The following PLCH1 variants were observed in gnomAD, a reference collection of about 807,000 sequenced individuals.
PLCH1 encodes phospholipase C eta 1.
A neutral mutation model predicts 126.7 loss-of-function variants in PLCH1; 60 were observed. The ratio of observed to expected loss-of-function variants is 0.47; its 90% CI spans 0.38 to 0.59. The LOEUF is 0.59. PLCH1 is among the 20% of genes least tolerant of loss of function. PLCH1 has a pLI of 0.00. For synonymous variants in PLCH1, 719 were observed against 734.9 expected, an observed-to-expected ratio of 0.98 and a Z score of 0.35; for missense variants, 1,723 against 2,040.0, an observed-to-expected ratio of 0.84 and a Z score of 2.99.
At chr3:155,587,700 GAACTGA>G (rs1731565440) in intron 4 of PLCH1, among the ~76,000 whole-genome samples, 2 of 152,234 alleles carry the variant, frequency 1.3e-5, no homozygotes, top group African/African-American at 2.4e-5. Flanking sequence ...TACATCATGT[GAACTGA>G]AATTTTAAAA....
At chr3:155,649,165 G>A (rs1740400724) in intron 2 of PLCH1, among the ~76,000 whole-genome samples, 1 of 152,140 alleles carries the variant, frequency 6.6e-6, no homozygotes, top group Non-Finnish European at 1.5e-5. Context: ...ACTGAGACCA[G>A]GGCAGTACTG....
rs571988641 is a variant in PLCH1, at chr3:155,576,127, C to CA, written c.771+7344dup. Among the ~76,000 whole-genome samples, 645 of 151,352 alleles carry CA rather than the reference C, an allele frequency of 4.3e-3. 2 individuals are homozygous for CA. Among genetic ancestry groups the CA allele is most frequent in the Admixed American group, 7.1e-3 (108 of 15,192 alleles). On this transcript the variant is annotated intron_variant, in intron 6 of 22. Transcript: ENST00000460012. ...AACCAAAACACTAAAAAGGATGGAA[C>CA]AAAAAAAACACTCAGCTCCAGTGCC...
At chr3:155,653,092 T>C (rs909082695) in intron 2 of PLCH1, among the ~76,000 whole-genome samples, 1 of 151,892 alleles carries the variant, frequency 6.6e-6, no homozygotes, top group African/African-American at 2.4e-5. Flanking sequence ...GGAAGATATA[T>C]AGATACAGAT....
intron 2 of PLCH1, among the ~76,000 whole-genome samples, chr3:155,667,748 C>G (rs1184238442): frequency 6.6e-6 from 1 of 151,644 alleles, no homozygotes; most frequent in African/African-American, 2.4e-5. Context: ...AATGCAGTAA[C>G]CAAAACTGAA....
At chr3:155,666,680 G>T (rs4680210) in intron 2 of PLCH1, among the ~76,000 whole-genome samples, 88,470 of 152,054 alleles carry the variant, frequency 0.58, 28,242 homozygotes, top group African/African-American at 0.84. Context: ...TAACAAGCCA[G>T]GTACTCATTA....
chr3:155,639,510 C>A (rs1030476257), intron 2 of PLCH1, among the ~76,000 whole-genome samples: 1 of 152,042 alleles, frequency 6.6e-6, no homozygotes, highest in African/African-American at 2.4e-5. Context: ...TCCTCGGTAC[C>A]AAAGACCAAA....
intron 2 of PLCH1, among the ~76,000 whole-genome samples, chr3:155,621,134 C>T (rs1406926147): frequency 6.7e-6 from 1 of 150,138 alleles, no homozygotes; most frequent in Non-Finnish European, 1.5e-5. Flanking sequence ...CTGGAGTGGA[C>T]CTCCAGCAAA....
intron 18 of PLCH1, among the ~76,000 whole-genome samples, 196 bp downstream of exon 18, chr3:155,492,533 C>T (rs963013100): frequency 6.6e-6 from 1 of 152,110 alleles, no homozygotes; most frequent in East Asian, 1.9e-4. Flanking sequence ...TGCTCTTATG[C>T]CTTCAAAATA....
intron 2 of PLCH1, among the ~76,000 whole-genome samples, chr3:155,684,898 T>A (rs935928717): frequency 3.3e-5 from 5 of 152,210 alleles, no homozygotes; most frequent in Non-Finnish European, 7.3e-5. Context: ...TCTTTAGCCT[T>A]TCTTCTCATA....
At chr3:155,640,748 A>G (rs1739304126) in intron 2 of PLCH1, among the ~76,000 whole-genome samples, 1 of 152,188 alleles carries the variant, frequency 6.6e-6, no homozygotes, top group Non-Finnish European at 1.5e-5. Flanking sequence ...AACCTCCATG[A>G]TTATATAATA....
chr3:155,568,193 A>C lies in PLCH1; in HGVS notation c.865+38T>G, dbSNP rs1262173434. Reference sequence around the variant, plus strand: ...GCTGGAATTTAACTTAACAGGCTGAATCAAGAAATGAGAAATAAAGAATAT... The same window carrying C: ...GCTGGAATTTAACTTAACAGGCTGACTCAAGAAATGAGAAATAAAGAATAT... On this transcript the variant is annotated intron_variant, in intron 7 of 22. Coordinates refer to ENST00000460012, the MANE Select transcript of PLCH1 (RefSeq NM_014996.4). 5 of 921,222 alleles carry C rather than the reference A, an allele frequency of 5.4e-6. No individual in the cohort carries two copies. The East Asian group carries it at 1.2e-4, about 22-fold the overall frequency. 57.1% of individuals were successfully genotyped at this position (921,222 alleles called of 1,614,324 possible).
chr3:155,506,086 ATTT>A (rs1248206982), intron 12 of PLCH1, among the ~76,000 whole-genome samples: 1 of 152,126 alleles, frequency 6.6e-6, no homozygotes, highest in East Asian at 1.9e-4. Context: ...TGGTCACCCT[ATTT>A]AGTAGGAACC....
intron 4 of PLCH1, among the ~76,000 whole-genome samples, chr3:155,586,984 A>C (rs945485429): frequency 2.0e-5 from 3 of 152,042 alleles, no homozygotes; most frequent in Non-Finnish European, 2.9e-5. Context: ...CCAATAGCAA[A>C]CTCCATAAAC....
intron 21 of PLCH1, among the ~76,000 whole-genome samples, chr3:155,462,635 A>AT (rs1172581254): frequency 1.3e-5 from 2 of 152,196 alleles, no homozygotes; most frequent in Non-Finnish European, 2.9e-5. Context: ...GAGATGCAGC[A>AT]TATCAGACCC....
intron 9 of PLCH1, among the ~76,000 whole-genome samples, chr3:155,551,684 C>CAAA (rs35872401): frequency 1.2e-3 from 101 of 86,966 alleles, no homozygotes; most frequent in African/African-American, 1.7e-3. Flanking sequence ...AGCTCTCTAC[C>CAAA]AAAAAAAAAA....
chr3:155,505,516 G>GA (rs896873917), intron 12 of PLCH1, among the ~76,000 whole-genome samples: 1 of 152,124 alleles, frequency 6.6e-6, no homozygotes, highest in African/African-American at 2.4e-5. Flanking sequence ...ATGTGGGTGA[G>GA]AAAAAACAGT....
intron 1 of PLCH1, among the ~76,000 whole-genome samples, chr3:155,725,451 CT>C (rs34876965): frequency 8.1e-4 from 114 of 140,284 alleles, no homozygotes; most frequent in Non-Finnish European, 9.3e-4. Context: ...ATTTTAGACA[CT>C]TTTTTTTTTT....
intron 2 of PLCH1, among the ~76,000 whole-genome samples, chr3:155,638,231 G>A (rs1379624366): frequency 1.3e-5 from 2 of 152,098 alleles, no homozygotes; most frequent in Non-Finnish European, 2.9e-5. Context: ...TCAACAAATT[G>A]GTTTACCTAA....
intron 1 of PLCH1, among the ~76,000 whole-genome samples, chr3:155,712,898 C>A (rs1747243423): frequency 6.6e-6 from 1 of 151,214 alleles, no homozygotes; most frequent in Non-Finnish European, 1.5e-5. Flanking sequence ...TATCCTTTTC[C>A]ATAAAAACCA....
Sources: gnomAD v4.1 joint callset for allele counts (sites outside exome capture counted in the v4.1 genomes callset) on GRCh38, gnomAD v4.1.1 for gene constraint, MANE v1.5 for transcripts, NCBI Gene and HGNC (gene_info 2026-07-23, HGNC 2026-07-21) for gene names.